LEPROT: variants seen among roughly 807,000 people sequenced by gnomAD.
LEPROT encodes leptin receptor gene-related protein.
Under a neutral mutation model 15.4 loss-of-function variants are expected in LEPROT, and 3 were observed. The observed-to-expected ratio is 0.19, with a 90% CI of 0.09 to 0.50. LEPROT has a LOEUF of 0.50. Among genes scored for constraint, LEPROT ranks in the 20% least tolerant of loss-of-function variants. The pLI is 0.97. For synonymous variants in LEPROT, 59 were observed against 57.5 expected (o/e 1.03, Z -0.12); for missense variants, 137 against 162.2 (o/e 0.84, Z 0.84).
At chr1:65,423,730 ATCT>A (rs1388398950) in intron 1 of LEPROT, among the ~76,000 whole-genome samples, 2 of 152,204 alleles carry the variant, frequency 1.3e-5, no homozygotes, top group Non-Finnish European at 2.9e-5. Flanking sequence ...GTCTCTCTAA[ATCT>A]TCTCTCAAGT....
intron 2 of LEPROT, among the ~76,000 whole-genome samples, chr1:65,428,295 GT>G (rs1646419585): frequency 6.6e-6 from 1 of 152,144 alleles, no homozygotes; most frequent in Non-Finnish European, 1.5e-5. Context: ...GAGTCAGATT[GT>G]TTTTCACAAA....
At chr1:65,421,145 C>T (rs1468940622) in intron 1 of LEPROT, among the ~76,000 whole-genome samples, 2 of 152,218 alleles carry the variant, frequency 1.3e-5, no homozygotes, top group African/African-American at 2.4e-5. Flanking sequence ...TTGTCTCCAG[C>T]GTTCTTAGCA....
At chr1:65,430,228 G>T in intron 3 of LEPROT, 180 bp downstream of exon 3, 1 of 448,008 alleles carries the variant, frequency 2.2e-6, no homozygotes, top group Non-Finnish European at 3.9e-6. Context: ...CCTTCAGAGT[G>T]CTTTCTTTAT....
At chr1:65,429,198 G>C (rs973748892) in intron 2 of LEPROT, among the ~76,000 whole-genome samples, 1 of 152,112 alleles carries the variant, frequency 6.6e-6, no homozygotes, top group Non-Finnish European at 1.5e-5. Flanking sequence ...AAAGGAATCT[G>C]TCAGTTTAGA....
intron 1 of LEPROT, among the ~76,000 whole-genome samples, chr1:65,425,093 T>C (rs1422304289): frequency 1.3e-5 from 2 of 152,228 alleles, no homozygotes; most frequent in African/African-American, 4.8e-5. Flanking sequence ...TCACATACCA[T>C]AAAATTAACA....
At chr1:65,429,792 G>A (rs998340216) in intron 2 of LEPROT, 70 bp from the exon 3 acceptor site, 1 of 1,227,280 alleles carries the variant, frequency 8.1e-7, no homozygotes, top group South Asian at 2.3e-5. Context: ...TTTTGAAATA[G>A]TAGTATGTCT....
intron 1 of LEPROT, chr1:65,421,265 G>T: frequency 6.9e-7 from 1 of 1,457,014 alleles, no homozygotes; most frequent in South Asian, 1.4e-5. Flanking sequence ...TCGCAGTCGT[G>T]GAGAGTAGAT....
In LEPROT at chr1:65,434,737, A is replaced by G; in HGVS notation, c.*2818A>G. 2 of 985,224 alleles carry G rather than the reference A, an allele frequency of 2.0e-6. No individual in the cohort carries two copies. Among genetic ancestry groups the G allele is most frequent in the African/African-American group, 1.7e-5 (1 of 57,264 alleles). The allele number at this position is 985,224 out of a possible 1,614,324, so 61.0% of individuals were successfully genotyped here. ...CCTAATGCCCTTGAGATCCAGGTAC[A>G]CTCCTGGGAGTTTTGTTCACCTCTC... On this transcript the variant is annotated 3_prime_UTR_variant, in exon 4 of 4. Transcript: ENST00000371065.
intron 1 of LEPROT, among the ~76,000 whole-genome samples, chr1:65,423,645 T>C (rs886894263): frequency 1.3e-5 from 2 of 152,134 alleles, no homozygotes; most frequent in African/African-American, 2.4e-5. Context: ...AAATTGACAG[T>C]GTTTCTTTGT....
intron 3 of LEPROT, among the ~76,000 whole-genome samples, chr1:65,431,269 A>AC (rs1235310520): frequency 6.6e-6 from 1 of 152,220 alleles, no homozygotes; most frequent in African/African-American, 2.4e-5. Context: ...TCTCTTGCTT[A>AC]AAGTAAAACA....
intron 1 of LEPROT, among the ~76,000 whole-genome samples, chr1:65,424,973 A>G (rs1387615923): frequency 6.6e-6 from 1 of 152,202 alleles, no homozygotes; most frequent in Non-Finnish European, 1.5e-5. Flanking sequence ...GCAGTCTGTA[A>G]CGGGTCAAAT....
chr1:65,421,387 C>T (rs1189921341), intron 1 of LEPROT: 4 of 1,535,828 alleles, frequency 2.6e-6, no homozygotes, highest in African/African-American at 1.4e-5. Flanking sequence ...GTAAAAACAC[C>T]GCGTCCCTTA....
At position 65,432,092 on chromosome 1, in the gene LEPROT, C is replaced by G. The variant is rs1303183116; in HGVS notation, c.*173C>G. ...AGTAGGAGATGAGTTTTATTCTCAG[C>G]AAATAGACCTGTCAAATTTAGATTA... is the stretch of plus-strand genomic sequence containing the variant. On this transcript the variant is annotated 3_prime_UTR_variant, in exon 4 of 4. Transcript: ENST00000371065. 1 of 1,310,194 alleles carries G rather than the reference C, an allele frequency of 7.6e-7. No individual in the cohort carries two copies. Among genetic ancestry groups the G allele is most frequent in the African/African-American group, 1.5e-5 (1 of 65,590 alleles). The allele number at this position is 1,310,194 out of a possible 1,614,324, so 81.2% of individuals were successfully genotyped here. A position where few individuals can be genotyped will look rare whatever the true frequency, so the allele number is the denominator to read the frequency against.
At chr1:65,429,447 A>G (rs7534511) in intron 2 of LEPROT, among the ~76,000 whole-genome samples, 104,348 of 152,062 alleles carry the variant, frequency 0.69, 36,809 homozygotes, top group African/African-American at 0.79. Context: ...CAAGGAATTT[A>G]GGGTTTATTC....
intron 2 of LEPROT, among the ~76,000 whole-genome samples, chr1:65,426,738 C>T (rs1646380855): frequency 1.3e-5 from 2 of 152,202 alleles, no homozygotes; most frequent in African/African-American, 4.8e-5. Flanking sequence ...ATGGCTCACG[C>T]CTGTAATCCC....
chr1:65,425,186 A>G, intron 1 of LEPROT, 117 bp from the exon 2 acceptor site: 1 of 770,194 alleles, frequency 1.3e-6, no homozygotes, highest in East Asian at 2.7e-5. Context: ...CAGAAAATTT[A>G]CTCATCCGCC....
At position 65,431,892 on chromosome 1, in the gene LEPROT, A is replaced by T. The variant is rs1393058249; in HGVS notation, c.369A>T (p.Gly123=). ...GGTTTTTCCTTATATTTGGAAGAGG[A>T]GATGATTTTAGCTGGGAGCAGTGGT... ...IQGFFLIFGR[G]DDFSWEQW The change falls in exon 4 of 4, where the codon GGA becomes GGT. Residue 123 remains glycine (G), a synonymous_variant. Coordinates refer to ENST00000371065, the MANE Select transcript of LEPROT (RefSeq NM_017526.5). 6.2e-7 allele frequency: 1 copy of T among 1,613,862 alleles called. No individual in the cohort carries two copies. Among genetic ancestry groups the T allele is most frequent in the East Asian group, 2.2e-5 (1 of 44,874 alleles).
At position 65,432,814 on chromosome 1, in the gene LEPROT, G is replaced by C. The variant is rs1044114743; in HGVS notation, c.*895G>C. ...ATTGCTAAGAGAGTAAATTTCTAATGTTCTCATAAAAAAGTTAAATATTTG... is the reference window on the plus strand; with the variant it reads ...ATTGCTAAGAGAGTAAATTTCTAATCTTCTCATAAAAAAGTTAAATATTTG... On this transcript the variant is annotated 3_prime_UTR_variant, in exon 4 of 4. Transcript: ENST00000371065. 5 of 564,298 alleles carry C rather than the reference G, an allele frequency of 8.9e-6. No individual in the cohort carries two copies. In the African/African-American group the frequency reaches 1.0e-4, roughly 12 times the overall value. 35.0% of individuals were successfully genotyped at this position (564,298 alleles called of 1,614,324 possible). A position where few individuals can be genotyped will look rare whatever the true frequency, so the allele number is the denominator to read the frequency against.
At chr1:65,431,074 C>G (rs1646475706) in intron 3 of LEPROT, among the ~76,000 whole-genome samples, 1 of 152,092 alleles carries the variant, frequency 6.6e-6, no homozygotes, top group Non-Finnish European at 1.5e-5. Context: ...GTCTTGAACC[C>G]CATGCCAGTT....
Sources: allele counts gnomAD v4.1 joint callset (sites outside exome capture counted in the v4.1 genomes callset), GRCh38; gene constraint gnomAD v4.1.1; transcripts MANE v1.5; gene names NCBI Gene and HGNC (gene_info 2026-07-23, HGNC 2026-07-21).